Variants in RASL12 observed in about 807,000 individuals in gnomAD.
RASL12 encodes RAS like family 12, also known as ras-like protein family member 12.
A neutral mutation model predicts 22.9 loss-of-function variants in RASL12; 16 were observed. The observed-to-expected ratio is 0.70, with a 90% CI of 0.47 to 1.06. The LOEUF (loss-of-function observed/expected upper bound fraction) is 1.06, where lower values mean the gene tolerates loss of function less well. Ranked by LOEUF, RASL12 falls within the 50% of genes least tolerant of loss-of-function variation. RASL12 has a pLI of 0.00. For synonymous variants in RASL12, 159 were observed against 152.2 expected (o/e 1.04, Z -0.33); for missense variants, 306 against 353.1 (o/e 0.87, Z 1.07).
At chr15:65,066,774 G>C (rs1162248272) in intron 1 of RASL12, among the ~76,000 whole-genome samples, 1 of 152,114 alleles carries the variant, frequency 6.6e-6, no homozygotes, top group Non-Finnish European at 1.5e-5. Flanking sequence ...GGTGGGGCTG[G>C]CTTCAAAATC....
At chr15:65,069,778 G>A (rs933274196), upstream of RASL12, among the ~76,000 whole-genome samples, 2 of 152,228 alleles carry the variant, frequency 1.3e-5, no homozygotes, top group African/African-American at 2.4e-5. Context: ...TTAGAGAAGA[G>A]ACGCCTTCAT....
At chr15:65,068,343 C>T, upstream of RASL12, 1 of 964,872 alleles carries the variant, frequency 1.0e-6, no homozygotes, top group Non-Finnish European at 1.2e-6. The surrounding 1 kb of genome is among the most constrained non-coding windows in gnomAD (Gnocchi z 4.2). Context: ...GCCAGCCCCG[C>T]CTCCTCCTCC....
At position 65,054,125 on chromosome 15, in the gene RASL12, G is replaced by T; in HGVS notation, c.*774C>A. The T allele has an allele frequency of 1.0e-6, 1 of 985,938 alleles. No homozygotes were observed. Among genetic ancestry groups the T allele is most frequent in the Non-Finnish European group, 1.2e-6 (1 of 829,996 alleles). 61.1% of individuals were successfully genotyped at this position (985,938 alleles called of 1,614,324 possible). A position where few individuals can be genotyped will look rare whatever the true frequency, so the allele number is the denominator to read the frequency against. ...ACTGGAGTGACAACTTTCTTCTGCAGCCTGGATCATTAAGCTTGAGGGAGC... is the reference window on the plus strand; with the variant it reads ...ACTGGAGTGACAACTTTCTTCTGCATCCTGGATCATTAAGCTTGAGGGAGC... On this transcript the variant is annotated 3_prime_UTR_variant, in exon 5 of 5. Coordinates refer to ENST00000220062, the MANE Select transcript of RASL12 (RefSeq NM_016563.4).
chr15:65,046,506 G>T, the RASL12 span, among the ~76,000 whole-genome samples: 1 of 152,144 alleles, frequency 6.6e-6, no homozygotes. Context: ...TGTTTCTGTG[G>T]CATCTAACAT....
At chr15:65,057,213 C>T (rs1396539778) in intron 4 of RASL12, among the ~76,000 whole-genome samples, 9 of 152,334 alleles carry the variant, frequency 5.9e-5, no homozygotes, top group Non-Finnish European at 8.8e-5. Context: ...GGGTCCCTTC[C>T]TTGCTAACAC....
chr15:65,066,310 G>T (rs554636565), intron 1 of RASL12, among the ~76,000 whole-genome samples: 1 of 152,194 alleles, frequency 6.6e-6, no homozygotes, highest in East Asian at 1.9e-4. Context: ...CCAGTGCTTT[G>T]GGATTGAGAC....
chr15:65,051,459 G>T (rs1566950982), downstream of RASL12: 4 of 1,550,726 alleles, frequency 2.6e-6, no homozygotes, highest in East Asian at 6.8e-5. Flanking sequence ...GCTGTTAGCG[G>T]GCTTGAGAGG....
rs1282784433 is a variant in RASL12 at position 65,058,600 on chromosome 15, G to C, written c.252C>G (p.Cys84Trp). Reference protein sequence around the residue: ...DTADLDTPRNCERYLNWAHAF... With the variant: ...DTADLDTPRNWERYLNWAHAF... ...CATGGGCCCAGTTCAGGTAGCGCTC[G>C]CAGTTCCTGGGGGTGTCCTGGGGTG... Residue 84 changes from cysteine (C) to tryptophan (W), a missense_variant, in exon 4 of 5, where the codon TGC (cysteine) becomes TGG (tryptophan). By Grantham distance (215) the Cys-to-Trp change is radical. Coordinates refer to ENST00000220062, the MANE Select transcript of RASL12 (RefSeq NM_016563.4). 3 of 1,573,218 alleles carry C rather than the reference G, an allele frequency of 1.9e-6. No individual in the cohort carries two copies. The highest frequency in any genetic ancestry group is 2.6e-6 in the Non-Finnish European group (3 of 1,152,778).
chr15:65,072,709 G>A (rs891143563), upstream of RASL12, among the ~76,000 whole-genome samples: 2 of 152,154 alleles, frequency 1.3e-5, no homozygotes, highest in African/African-American at 4.8e-5. Flanking sequence ...GCCATGGAGT[G>A]GGCAGCAGGA....
chr15:65,057,496 C>T (rs1566953499), intron 4 of RASL12, among the ~76,000 whole-genome samples: 1 of 152,182 alleles, frequency 6.6e-6, no homozygotes, highest in Non-Finnish European at 1.5e-5. Flanking sequence ...AGAGCGTGCC[C>T]CACCTCAAAG....
chr15:65,052,780 G>A (rs888326621), downstream of RASL12, among the ~76,000 whole-genome samples: 4 of 152,136 alleles, frequency 2.6e-5, no homozygotes, highest in Admixed American at 1.3e-4. Context: ...GATTCCTTGA[G>A]ATGACACACA....
At position 65,065,250 on chromosome 15, in the gene RASL12, T is replaced by C. The variant is rs1479125431; in HGVS notation, c.127A>G (p.Lys43Glu). ...KSALTVKFLT[K>E]RFISEYDPNL... ...GGGTCATATTCACTGATAAACCTCT[T>C]GGTCAGAAACTTCACGGTCAGGGCT... is the stretch of plus-strand genomic sequence containing the variant. Residue 43 changes from lysine to glutamate, a missense_variant, in exon 2 of 5, where the codon AAG becomes GAG. Lys to Glu is a moderately conservative substitution (Grantham distance 56). Transcript: ENST00000220062. 1.9e-6 allele frequency: 3 copies of C among 1,612,778 alleles called. No homozygotes were observed. Among genetic ancestry groups the C allele is most frequent in the South Asian group, 2.2e-5 (2 of 90,524 alleles).
upstream of RASL12, among the ~76,000 whole-genome samples, chr15:65,069,647 C>T (rs1377641171): frequency 6.6e-6 from 1 of 152,192 alleles, no homozygotes; most frequent in African/African-American, 2.4e-5. Context: ...CTAGCTCAGT[C>T]TGAGGGTGAA....
At chr15:65,076,581 T>C (rs1024351057) in exon 1 of RASL12, 4 of 703,338 alleles carry the variant, frequency 5.7e-6, no homozygotes, top group Non-Finnish European at 1.0e-5. Flanking sequence ...CCACCAATTC[T>C]GGACCCATTA....
At chr15:65,051,422 G>A (rs2086651395), downstream of RASL12, 5 of 1,207,996 alleles carry the variant, frequency 4.1e-6, no homozygotes, top group South Asian at 1.2e-5. Flanking sequence ...AGTTGATGCT[G>A]TAAGCTGGGT....
chr15:65,051,455 A>G, downstream of RASL12: 1 of 1,519,666 alleles, frequency 6.6e-7, no homozygotes, highest in Non-Finnish European at 9.1e-7. Context: ...CCCAGCTGTT[A>G]GCGGGCTTGA....
Position 65,053,420 on chromosome 15 carries a change from TAC to T in RASL12, c.*1477_*1478del. 2.1e-5 allele frequency: 27 copies of T among 1,299,562 alleles called. No individual in the cohort carries two copies. The highest frequency in any genetic ancestry group is 3.6e-5 in the Admixed American group (1 of 27,602). The allele number at this position is 1,299,562 out of a possible 1,614,324, so 80.5% of individuals were successfully genotyped here. A position where few individuals can be genotyped will look rare whatever the true frequency, so the allele number is the denominator to read the frequency against. On this transcript the variant is annotated 3_prime_UTR_variant, in exon 5 of 5. Coordinates refer to ENST00000220062, the MANE Select transcript of RASL12 (RefSeq NM_016563.4). ...GCATAGTTTGTTCAGATGGCAGTGG[TAC>T]ACACACACATACACACACAAGTGGC...
chr15:65,050,836 CTT>C (rs57404080), downstream of RASL12, among the ~76,000 whole-genome samples: 4 of 95,648 alleles, frequency 4.2e-5, no homozygotes, highest in Admixed American at 4.1e-4. Flanking sequence ...TCTTCTTCTT[CTT>C]TTTTTTTTTT....
In RASL12 at chr15:65,055,201, G is replaced by A. The variant is rs1566952792; in HGVS notation, c.499C>T (p.Leu167=). 1 of 1,610,950 alleles carries A rather than the reference G, an allele frequency of 6.2e-7. No homozygotes were observed. Among genetic ancestry groups the A allele is most frequent in the East Asian group, 2.2e-5 (1 of 44,856 alleles). The change falls in exon 5 of 5, where the codon CTG becomes TTG. Residue 167 remains leucine, a synonymous_variant. Transcript: ENST00000220062. ...GCLFFEVSAC[L]DFEHVQHVFH... ...ACATGCTGCACGTGCTCAAAGTCCA[G>A]ACAGGCAGAGACCTCGAAAAACAGG...
Sources: gnomAD v4.1 joint callset for allele counts (sites outside exome capture counted in the v4.1 genomes callset) on GRCh38, gnomAD v4.1.1 for gene constraint, Gnocchi (gnomAD v3.1) non-coding constraint, MANE v1.5 for transcripts, NCBI Gene and HGNC (gene_info 2026-07-23, HGNC 2026-07-21) for gene names.